The following SIRT1 variants were observed in gnomAD, a reference collection of about 807,000 sequenced individuals.
SIRT1 encodes the protein sirtuin 1, also known as NAD-dependent protein deacetylase sirtuin-1.
In SIRT1, 24 loss-of-function variants were observed where a neutral mutation model predicts 67.9. The ratio of observed to expected loss-of-function variants is 0.35; its 90% CI spans 0.26 to 0.50. SIRT1 has a LOEUF of 0.50. Among genes scored for constraint, SIRT1 ranks in the 20% least tolerant of loss-of-function variants. SIRT1 has a pLI of 0.98. For missense variants in SIRT1, 873 were observed against 937.2 expected (o/e 0.93, Z 0.89); for synonymous variants, 378 against 350.7 (o/e 1.08, Z -0.87).
intron 8 of SIRT1, 130 bp downstream of exon 8, chr10:67,913,161 G>A: frequency 1.1e-6 from 1 of 906,144 alleles, no homozygotes; most frequent in South Asian, 1.9e-5. Context: ...AAACTGTACA[G>A]TTCGTAATCA....
chr10:67,909,884 T>G (rs1302468578), intron 7 of SIRT1, among the ~76,000 whole-genome samples: 2 of 151,332 alleles, frequency 1.3e-5, no homozygotes, highest in East Asian at 3.9e-4. Flanking sequence ...CAGAAATTCT[T>G]TATTTTTAGT....
In SIRT1 at chr10:67,887,425, C is replaced by G. The variant is rs748384143; in HGVS notation, c.439C>G (p.Leu147Val). ...AAAIGYRDNLLFGDEIITNGF... is the reference protein window; with the variant it reads ...AAAIGYRDNLVFGDEIITNGF... ...CTTGGTTTCTTTTGCAGATAACCTTCTGTTCGGTGATGAAATTATCACTAA... is the reference window on the plus strand; with the variant it reads ...CTTGGTTTCTTTTGCAGATAACCTTGTGTTCGGTGATGAAATTATCACTAA... The change falls in exon 2 of 9, where the codon CTG becomes GTG. Residue 147 changes from leucine (L) to valine (V), a missense_variant. Transcript: ENST00000212015. 4 of 1,611,450 alleles carry G rather than the reference C, an allele frequency of 2.5e-6. No homozygotes were observed. Among genetic ancestry groups the G allele is most frequent in the East Asian group, 2.2e-5 (1 of 44,836 alleles).
intron 4 of SIRT1, among the ~76,000 whole-genome samples, chr10:67,899,464 G>A (rs1420274403): frequency 5.3e-5 from 8 of 151,346 alleles, no homozygotes; most frequent in Admixed American, 3.3e-4. Flanking sequence ...GTCCTTAATG[G>A]TTACCATGGT....
At chr10:67,898,191 G>A (rs1401972878) in intron 4 of SIRT1, among the ~76,000 whole-genome samples, 1 of 149,916 alleles carries the variant, frequency 6.7e-6, no homozygotes, top group Non-Finnish European at 1.5e-5. Flanking sequence ...CCCAGGAGGC[G>A]GAGGTTGCAG....
At chr10:67,894,811 G>A (rs1401554304) in intron 4 of SIRT1, among the ~76,000 whole-genome samples, 2 of 152,068 alleles carry the variant, frequency 1.3e-5, no homozygotes, top group Non-Finnish European at 2.9e-5. Context: ...CCGGGTTCAA[G>A]CAATTCTCTT....
At chr10:67,891,671 T>TGGCG (rs1209218296) in intron 4 of SIRT1, 117 bp downstream of exon 4, 2 of 1,002,860 alleles carry the variant, frequency 2.0e-6, no homozygotes, top group African/African-American at 3.3e-5. Flanking sequence ...GCTGCTACTG[T>TGGCG]GGCGGAGTAA....
At position 67,884,831 on chromosome 10, in the gene SIRT1, C is replaced by T. The variant is rs548590752; in HGVS notation, c.110C>T (p.Pro37Leu). 3.2e-3 allele frequency: 3,879 copies of T among 1,223,802 alleles called. 4 individuals carry two copies. The highest frequency in any genetic ancestry group is 3.4e-3 in the Non-Finnish European group (3,373 of 982,898). The allele number at this position is 1,223,802 out of a possible 1,614,324, so 75.8% of individuals were successfully genotyped here. Residue 37 changes from proline (P) to leucine (L), a missense_variant, in exon 1 of 9, where the codon CCG (proline) becomes CTG (leucine). Transcript: ENST00000212015. ...SPAGEPLRKR[P>L]RRDGPGLERS... ...GCCGGGGAGCCGCTCCGCAAGAGGC[C>T]GCGGAGAGATGGTCCCGGCCTCGAG... is the stretch of plus-strand genomic sequence containing the variant.
At chr10:67,886,751 A>G (rs929367514) in intron 1 of SIRT1, among the ~76,000 whole-genome samples, 5 of 152,144 alleles carry the variant, frequency 3.3e-5, no homozygotes, top group African/African-American at 1.2e-4. Context: ...GCGCATTGCC[A>G]AGGTTATATT....
intron 4 of SIRT1, among the ~76,000 whole-genome samples, chr10:67,904,414 G>A (rs1169700689): frequency 6.6e-6 from 1 of 151,904 alleles, no homozygotes; most frequent in Non-Finnish European, 1.5e-5. Flanking sequence ...TGGGATTAGA[G>A]GTGTGAGCCA....
chr10:67,907,536 G>T (rs1842839831), intron 5 of SIRT1, among the ~76,000 whole-genome samples: 1 of 150,574 alleles, frequency 6.6e-6, no homozygotes, highest in Non-Finnish European at 1.5e-5. Context: ...TACAAGAGTA[G>T]TATTAGCTGT....
chr10:67,899,174 A>G (rs1842703646), intron 4 of SIRT1, among the ~76,000 whole-genome samples: 2 of 152,030 alleles, frequency 1.3e-5, no homozygotes, highest in African/African-American at 2.4e-5. Flanking sequence ...ATCCTCTATT[A>G]GGGCTGGGTG....
chr10:67,896,646 T>G (rs1228416180), intron 4 of SIRT1, among the ~76,000 whole-genome samples: 1 of 150,098 alleles, frequency 6.7e-6, no homozygotes, highest in South Asian at 2.1e-4. Context: ...AATACAAAAA[T>G]TAGCCGGGTG....
chr10:67,914,630 G>A (rs1276057131), intron 8 of SIRT1, among the ~76,000 whole-genome samples: 1 of 152,194 alleles, frequency 6.6e-6, no homozygotes, highest in Non-Finnish European at 1.5e-5. Flanking sequence ...TTTCTTGAAT[G>A]TCATTTTGAC....
At chr10:67,906,654 C>T in intron 4 of SIRT1, 136 bp from the exon 5 acceptor site, 2 of 878,688 alleles carry the variant, frequency 2.3e-6, no homozygotes, top group Non-Finnish European at 1.7e-6. Flanking sequence ...TCGCATCCAT[C>T]TAGATACTTT....
Position 67,885,169 on chromosome 10 carries a change from G to A in SIRT1, c.430+18G>A. The stretch of plus-strand genomic sequence containing the variant: ...GTACCGAGGTGCGCAGGGTGCGGGC[G>A]GCCGGAACTGCGCATCTCCTCCTCC... On this transcript the variant is annotated intron_variant, in intron 1 of 8. Transcript: ENST00000212015. The A allele has an allele frequency of 7.3e-7, 1 of 1,368,696 alleles. No individual in the cohort carries two copies. The highest frequency in any genetic ancestry group is 9.5e-7 in the Non-Finnish European group (1 of 1,053,020). 84.8% of individuals were successfully genotyped at this position (1,368,696 alleles called of 1,614,324 possible).
At chr10:67,892,649 T>C (rs1304063572) in intron 4 of SIRT1, among the ~76,000 whole-genome samples, 1 of 152,196 alleles carries the variant, frequency 6.6e-6, no homozygotes, top group East Asian at 1.9e-4. Context: ...TCCCCCAGGC[T>C]GGAGTGCAAT....
intron 1 of SIRT1, 155 bp downstream of exon 1, chr10:67,885,306 G>T (rs961019205): frequency 4.8e-6 from 6 of 1,240,620 alleles, no homozygotes; most frequent in Admixed American, 8.4e-5. Flanking sequence ...CTCCTCCGGG[G>T]CTGCGGTTCC....
At chr10:67,913,139 TTCTGTTTAGAG>T in intron 8 of SIRT1, 108 bp downstream of exon 8, 1 of 1,112,988 alleles carries the variant, frequency 9.0e-7, no homozygotes, top group Non-Finnish European at 1.3e-6. Context: ...ATGTAGTTGA[TTCTGTTTAGAG>T]AAACTGTACA....
intron 7 of SIRT1, 23 bp from the exon 8 acceptor site, chr10:67,912,449 ACT>A: frequency 6.4e-7 from 1 of 1,552,606 alleles, no homozygotes; most frequent in Non-Finnish European, 8.7e-7. Flanking sequence ...CCTTTTTCTA[ACT>A]CTTATTTTTC....
Sources: allele counts gnomAD v4.1 joint callset (sites outside exome capture counted in the v4.1 genomes callset), GRCh38; gene constraint gnomAD v4.1.1; transcripts MANE v1.5; gene names NCBI Gene and HGNC (gene_info 2026-07-23, HGNC 2026-07-21).